Variants in PEAK1 observed in about 807,000 individuals in gnomAD.
The protein encoded by PEAK1 is pseudopodium enriched atypical kinase 1.
PEAK1 carries 54 observed loss-of-function variants against 124.7 expected under a neutral mutation model. That is an observed-to-expected ratio of 0.43 (90% CI 0.35 to 0.54). The LOEUF is 0.54. Among genes scored for constraint, PEAK1 ranks in the 20% least tolerant of loss-of-function variants. PEAK1 has a pLI of 0.01. For synonymous variants in PEAK1, 719 were observed against 760.0 expected, an observed-to-expected ratio of 0.95 and a Z score of 0.89; for missense variants, 2,046 against 2,134.5, an observed-to-expected ratio of 0.96 and a Z score of 0.82.
intron 9 of PEAK1, among the ~76,000 whole-genome samples, chr15:77,125,836 T>A (rs1283265133): frequency 6.6e-6 from 1 of 152,200 alleles, no homozygotes; most frequent in Non-Finnish European, 1.5e-5. Context: ...TTAATGAGGA[T>A]CCCTCAGGTG....
chr15:77,163,401 T>C (rs527285135), intron 7 of PEAK1, among the ~76,000 whole-genome samples: 4 of 152,324 alleles, frequency 2.6e-5, no homozygotes, highest in South Asian at 4.2e-4. Context: ...GAAGGTTGTA[T>C]CTCATCAGTC....
In PEAK1 at chr15:77,179,667, C is replaced by T. The variant is rs1333389510; in HGVS notation, c.2260G>A (p.Val754Met). ...KIEGTQESQM[V>M]GSSSTREKAS... is the part of the protein sequence containing the mutation. ...TTCTCTCTGGTGCTGCTGCTGCCCA[C>T]CATCTGAGACTCCTGAGTGCCTTCT... The change falls in exon 7 of 10, where the codon GTG becomes ATG. Residue 754 changes from valine to methionine, a missense_variant. Coordinates refer to ENST00000682557, the MANE Select transcript of PEAK1 (RefSeq NM_001385026.1). 1 of 1,614,006 alleles carries T rather than the reference C, an allele frequency of 6.2e-7. No individual in the cohort carries two copies. Among genetic ancestry groups the T allele is most frequent in the Admixed American group, 1.7e-5 (1 of 59,982 alleles).
chr15:77,366,617 G>T (rs941919552), intron 1 of PEAK1, among the ~76,000 whole-genome samples: 2 of 152,016 alleles, frequency 1.3e-5, no homozygotes, highest in Non-Finnish European at 2.9e-5. Flanking sequence ...GTACAGTGGC[G>T]TGATCACAGC....
At chr15:77,272,569 G>C (rs1261118003) in intron 5 of PEAK1, among the ~76,000 whole-genome samples, 1 of 152,108 alleles carries the variant, frequency 6.6e-6, no homozygotes, top group Non-Finnish European at 1.5e-5. Flanking sequence ...GGAAGAAACA[G>C]AAACTCTGAA....
Position 77,180,273 on chromosome 15 carries a change from T to C in PEAK1, c.1654A>G (p.Thr552Ala). The C allele has an allele frequency of 6.2e-7, 1 of 1,614,216 alleles. No homozygotes were observed. The highest frequency in any genetic ancestry group is 8.5e-7 in the Non-Finnish European group (1 of 1,180,020). The change falls in exon 7 of 10, where the codon ACT (threonine) becomes GCT (alanine). Residue 552 changes from threonine to alanine, a missense_variant. Physicochemically the swap from Thr to Ala is moderately conservative, Grantham distance 58 (BLOSUM62 0). Transcript: ENST00000682557. The part of the protein sequence containing the change: ...RQKIPKVELI[T>A]SGTGPNVPPR... ...GGAACATTTGGTCCAGTTCCACTAG[T>C]AATTAGTTCTACTTTAGGTATCTTT...
chr15:77,330,402 T>C (rs1042957910), intron 2 of PEAK1, among the ~76,000 whole-genome samples: 3 of 152,272 alleles, frequency 2.0e-5, no homozygotes, highest in Admixed American at 1.3e-4. Flanking sequence ...AAAAGATCTT[T>C]TAAAATATCA....
intron 6 of PEAK1, among the ~76,000 whole-genome samples, chr15:77,232,338 C>T (rs2059942979): frequency 6.6e-6 from 1 of 150,548 alleles, no homozygotes; most frequent in South Asian, 2.1e-4. Context: ...CACACACACA[C>T]TGTGCCAACT....
In PEAK1 at chr15:77,114,425, C is replaced by A. The variant is rs776275128; in HGVS notation, c.4972G>T (p.Asp1658Tyr). 2.5e-6 allele frequency: 4 copies of A among 1,614,168 alleles called. No homozygotes were observed. The highest frequency in any genetic ancestry group is 2.2e-5 in the South Asian group (2 of 91,080). The change falls in exon 10 of 10, where the codon GAC becomes TAC. Residue 1658 changes from aspartate to tyrosine, a missense_variant. Asp to Tyr is a radical substitution (Grantham distance 160, BLOSUM62 -3). Coordinates refer to ENST00000682557, the MANE Select transcript of PEAK1 (RefSeq NM_001385026.1). ...PNPSERILIS[D>Y]AKGILQCLLW... ...AGACACTGGAGGATGCCTTTGGCGT[C>A]TGAAATGAGGATCCGCTCAGAAGGG...
chr15:77,225,321 C>T (rs2059581618), intron 6 of PEAK1, among the ~76,000 whole-genome samples: 1 of 151,844 alleles, frequency 6.6e-6, no homozygotes, highest in Non-Finnish European at 1.5e-5. Context: ...CAGATATTTC[C>T]CCAACCACAT....
At chr15:77,338,430 GA>G (rs1396115013) in intron 2 of PEAK1, among the ~76,000 whole-genome samples, 2 of 152,074 alleles carry the variant, frequency 1.3e-5, no homozygotes, top group Non-Finnish European at 2.9e-5. Flanking sequence ...GATGCTTAAA[GA>G]AAATCTGTGA....
chr15:77,321,016 T>C (rs2065176350), intron 2 of PEAK1, among the ~76,000 whole-genome samples: 2 of 152,364 alleles, frequency 1.3e-5, no homozygotes, highest in South Asian at 4.1e-4. Context: ...TGCATAATAC[T>C]CCATGGTGTA....
intron 6 of PEAK1, among the ~76,000 whole-genome samples, chr15:77,247,618 G>A (rs1453837020): frequency 6.6e-6 from 1 of 150,384 alleles, no homozygotes; most frequent in Non-Finnish European, 1.5e-5. Flanking sequence ...TGGGATTACA[G>A]GTGTGTGCCA....
At chr15:77,309,065 G>A (rs1404892767) in intron 2 of PEAK1, among the ~76,000 whole-genome samples, 1 of 151,990 alleles carries the variant, frequency 6.6e-6, no homozygotes, top group Admixed American at 6.6e-5. Flanking sequence ...CATGTTTGCT[G>A]CATATAAAAT....
rs184089569 is a variant in PEAK1, at chr15:77,200,157, C to T, written c.-114-18117G>A. Among the ~76,000 whole-genome samples, 10 of 152,248 alleles carry T rather than the reference C, an allele frequency of 6.6e-5. No homozygotes were observed. The East Asian group carries it at 1.7e-3, about 26-fold the overall frequency. On this transcript the variant is annotated intron_variant, in intron 6 of 9. Transcript: ENST00000682557. ...TCTTCCTCCTCCTCGGACTACTCAA[C>T]GTGAAGACAAGATGAAGGCCTTTAT...
At chr15:77,296,623 A>G (rs902686412) in intron 2 of PEAK1, among the ~76,000 whole-genome samples, 8 of 151,696 alleles carry the variant, frequency 5.3e-5, no homozygotes, top group African/African-American at 1.5e-4. Context: ...CAAAAAAATA[A>G]ATAAATAAAA....
rs376586564 is a variant in PEAK1 at position 77,265,088 on chromosome 15, T to G, written c.-274-12562A>C. Among the ~76,000 whole-genome samples the G allele has an allele frequency of 1.8e-3, 273 of 152,228 alleles. 6 individuals carry two copies. The East Asian group carries it at 0.05, about 28-fold the overall frequency. On this transcript the variant is annotated intron_variant, in intron 5 of 9. Coordinates refer to ENST00000682557, the MANE Select transcript of PEAK1 (RefSeq NM_001385026.1). ...TGAAACTGGATCCCTTCCTTACACC[T>G]TACACAAAAATCAATTCAAGATGGA...
intron 1 of PEAK1, among the ~76,000 whole-genome samples, chr15:77,376,820 T>C (rs909553937): frequency 6.6e-6 from 1 of 152,218 alleles, no homozygotes; most frequent in Admixed American, 6.5e-5. Flanking sequence ...TGTAAGCTAT[T>C]TTCTACTTTT....
intron 2 of PEAK1, among the ~76,000 whole-genome samples, chr15:77,316,751 A>G (rs1413200499): frequency 6.6e-6 from 1 of 152,170 alleles, no homozygotes; most frequent in Admixed American, 6.5e-5. Flanking sequence ...CTATATGTAT[A>G]CCTATGGAAA....
chr15:77,356,929 C>G (rs915488150), intron 2 of PEAK1, among the ~76,000 whole-genome samples: 1 of 152,154 alleles, frequency 6.6e-6, no homozygotes, highest in Non-Finnish European at 1.5e-5. Flanking sequence ...TGAAGTAGAT[C>G]TACATATATG....
Sources: gnomAD v4.1 joint callset for allele counts (sites outside exome capture counted in the v4.1 genomes callset) on GRCh38, gnomAD v4.1.1 for gene constraint, MANE v1.5 for transcripts, NCBI Gene and HGNC (gene_info 2026-07-23, HGNC 2026-07-21) for gene names.